METTL25: variants seen among roughly 807,000 people sequenced by gnomAD.
The protein encoded by METTL25 is probable methyltransferase-like protein 25.
In METTL25, 64 loss-of-function variants were observed where a neutral mutation model predicts 71.6. The ratio of observed to expected loss-of-function variants is 0.89; its 90% CI spans 0.73 to 1.10. METTL25 has a LOEUF of 1.10. Among genes scored for constraint, METTL25 ranks in the 50% least tolerant of loss-of-function variants. The pLI is 0.00. For synonymous variants in METTL25, 287 were observed against 250.3 expected, an observed-to-expected ratio of 1.15 and a Z score of -1.38; for missense variants, 807 against 707.0, an observed-to-expected ratio of 1.14 and a Z score of -1.60.
intron 1 of METTL25, among the ~76,000 whole-genome samples, chr12:82,364,985 G>C (rs1255070037): frequency 1.3e-5 from 2 of 152,110 alleles, no homozygotes. Flanking sequence ...TTATAGATGA[G>C]TAAATTAAAT....
intron 5 of METTL25, among the ~76,000 whole-genome samples, chr12:82,416,478 C>T (rs1185547142): frequency 7.6e-6 from 1 of 131,790 alleles, no homozygotes; most frequent in Non-Finnish European, 1.6e-5. Flanking sequence ...GGGTCTCACT[C>T]TGTTGTCCAG....
At position 82,361,614 on chromosome 12, in the gene METTL25, C is replaced by G. The variant is rs542529837; in HGVS notation, c.259+2790C>G. ...GAATTCAAGAGCAGCGCTGGTGGGC[C>G]GGCACTGCTGGGGGACTTGGTGCAT... On this transcript the variant is annotated intron_variant, in intron 1 of 11. Coordinates refer to ENST00000248306, the MANE Select transcript of METTL25 (RefSeq NM_032230.3). 2.0e-5 allele frequency among the ~76,000 whole-genome samples: 3 copies of G among 152,260 alleles called. No homozygotes were observed. In the East Asian group the frequency reaches 5.8e-4, roughly 30 times the overall value.
At chr12:82,469,305 T>G (rs545977158) in intron 9 of METTL25, among the ~76,000 whole-genome samples, 5 of 152,284 alleles carry the variant, frequency 3.3e-5, no homozygotes, top group South Asian at 2.1e-4. Context: ...TATAAAGAAC[T>G]GCCCGAGACT....
At chr12:82,425,518 G>T (rs909190626) in intron 5 of METTL25, among the ~76,000 whole-genome samples, 2 of 152,000 alleles carry the variant, frequency 1.3e-5, no homozygotes, top group Non-Finnish European at 2.9e-5. Flanking sequence ...AATGAATGAG[G>T]TATCAAGAGT....
intron 5 of METTL25, among the ~76,000 whole-genome samples, chr12:82,410,312 G>A (rs1402356137): frequency 6.6e-6 from 1 of 152,044 alleles, no homozygotes; most frequent in Non-Finnish European, 1.5e-5. Flanking sequence ...TAATGGCAAT[G>A]AATTAATCCT....
chr12:82,370,645 T>G (rs1883122113), intron 1 of METTL25, among the ~76,000 whole-genome samples: 1 of 152,188 alleles, frequency 6.6e-6, no homozygotes, highest in South Asian at 2.1e-4. Context: ...CAATTATAGT[T>G]TTAAATTTAC....
At chr12:82,446,883 C>T (rs1447182462) in intron 8 of METTL25, among the ~76,000 whole-genome samples, 1 of 152,100 alleles carries the variant, frequency 6.6e-6, no homozygotes, top group African/African-American at 2.4e-5. Context: ...TCCCAAAGTG[C>T]TGGGATTACA....
intron 9 of METTL25, among the ~76,000 whole-genome samples, chr12:82,462,763 G>A (rs566551987): frequency 1.3e-5 from 2 of 152,144 alleles, no homozygotes; most frequent in African/African-American, 4.8e-5. Flanking sequence ...ATTGGTTCCA[G>A]GACTCCCATG....
chr12:82,436,560 T>C (rs1287801866), intron 7 of METTL25, among the ~76,000 whole-genome samples: 1 of 151,568 alleles, frequency 6.6e-6, no homozygotes, highest in Non-Finnish European at 1.5e-5. Context: ...TCCCTTTCTC[T>C]TAGGAAACAG....
chr12:82,454,063 A>C (rs890130986), intron 8 of METTL25, among the ~76,000 whole-genome samples: 30 of 152,142 alleles, frequency 2.0e-4, no homozygotes, highest in African/African-American at 7.0e-4. Flanking sequence ...GTAAACTCAG[A>C]AATTGAAATT....
At chr12:82,423,852 G>A (rs539735531) in intron 5 of METTL25, among the ~76,000 whole-genome samples, 1 of 152,176 alleles carries the variant, frequency 6.6e-6, no homozygotes, top group Non-Finnish European at 1.5e-5. Context: ...TCTCACGCCA[G>A]TTAGAATAGT....
chr12:82,427,834 A>T (rs375264312), intron 5 of METTL25, among the ~76,000 whole-genome samples: 1 of 151,968 alleles, frequency 6.6e-6, no homozygotes, highest in South Asian at 2.1e-4. Flanking sequence ...TTGCTGAGCT[A>T]TAAAAAGTTT....
At chr12:82,402,623 G>T (rs1886731902) in intron 4 of METTL25, among the ~76,000 whole-genome samples, 1 of 152,124 alleles carries the variant, frequency 6.6e-6, no homozygotes, top group African/African-American at 2.4e-5. Context: ...GGTAGAATTT[G>T]ATAATTATTA....
intron 1 of METTL25, among the ~76,000 whole-genome samples, chr12:82,364,474 A>G (rs1882335115): frequency 2.0e-5 from 3 of 152,192 alleles, no homozygotes; most frequent in African/African-American, 7.2e-5. Flanking sequence ...CATGGTCACA[A>G]ACCTTGTCTG....
At chr12:82,456,265 A>G (rs1237971747) in intron 8 of METTL25, among the ~76,000 whole-genome samples, 1 of 151,914 alleles carries the variant, frequency 6.6e-6, no homozygotes, top group Non-Finnish European at 1.5e-5. Flanking sequence ...GGCATAAATG[A>G]GATCAAGTCA....
At chr12:82,443,257 A>G (rs1890485379) in intron 8 of METTL25, among the ~76,000 whole-genome samples, 2 of 152,034 alleles carry the variant, frequency 1.3e-5, no homozygotes, top group African/African-American at 4.8e-5. Context: ...CTGAAAATAA[A>G]GACAAAGGGA....
intron 4 of METTL25, among the ~76,000 whole-genome samples, chr12:82,402,492 T>C (rs868463692): frequency 6.0e-4 from 91 of 152,168 alleles, no homozygotes; most frequent in South Asian, 1.5e-3. Context: ...GGAGAAAATA[T>C]AAACAGGTAA....
At chr12:82,425,185 C>T (rs4387422) in intron 5 of METTL25, among the ~76,000 whole-genome samples, 140,475 of 152,082 alleles carry the variant, frequency 0.92, 65,206 homozygotes, top group East Asian at 1. Context: ...TTTTGGGCAA[C>T]TTGGGCAATT....
intron 3 of METTL25, 117 bp downstream of exon 3, chr12:82,390,039 ATTTAAACATCAGATCC>A (rs2136960032): frequency 4.7e-6 from 3 of 634,482 alleles, no homozygotes; most frequent in Non-Finnish European, 8.6e-6. Context: ...TAATAGCATC[ATTTAAACATCAGATCC>A]TTTAAACATC....
Sources: allele counts gnomAD v4.1 joint callset (sites outside exome capture counted in the v4.1 genomes callset), GRCh38; gene constraint gnomAD v4.1.1; transcripts MANE v1.5; gene names NCBI Gene and HGNC (gene_info 2026-07-23, HGNC 2026-07-21).